The following PRPF39 variants were observed in gnomAD, a reference collection of about 807,000 sequenced individuals.
The protein encoded by PRPF39 is pre-mRNA-processing factor 39.
Under a neutral mutation model 82.1 loss-of-function variants are expected in PRPF39, and 27 were observed. The ratio of observed to expected loss-of-function variants is 0.33; its 90% CI spans 0.24 to 0.45. PRPF39 has a LOEUF of 0.45. Ranked by LOEUF, PRPF39 falls within the 20% of genes least tolerant of loss-of-function variation. The probability of loss-of-function intolerance (pLI) is 1.00; values close to 1 mark genes in which losing one functional copy is unlikely to be tolerated. For synonymous variants in PRPF39, 261 were observed against 256.4 expected, an observed-to-expected ratio of 1.02 and a Z score of -0.17; for missense variants, 581 against 796.9, an observed-to-expected ratio of 0.73 and a Z score of 3.26.
rs1304142885 is a variant in PRPF39, at chr14:45,110,218, A to G, written c.1301A>G (p.Gln434Arg). The change falls in exon 9 of 14, where the codon CAG (glutamine) becomes CGG (arginine). Residue 434 changes from glutamine (Q) to arginine (R), a missense_variant and splice_region_variant. By Grantham distance (43) the Gln-to-Arg change is conservative. Coordinates refer to ENST00000355765, the MANE Select transcript of PRPF39 (RefSeq NM_017922.4). This position sits in a 1 kb window ranked among gnomAD's most constrained non-coding sequence, Gnocchi z 4.0. ...HMLWAAFEEQ[Q>R]GNINEARNIL... The stretch of plus-strand genomic sequence containing the variant: ...CTTTGGGCAGCTTTTGAGGAACAGC[A>G]GGGTAAGAGTGGAGAAATTCAGTTG... The G allele has an allele frequency of 1.2e-6, 2 of 1,610,556 alleles. No homozygotes were observed. Among genetic ancestry groups the G allele is most frequent in the Admixed American group, 1.7e-5 (1 of 59,006 alleles).
chr14:45,101,268 G>A (rs747685668), intron 4 of PRPF39, among the ~76,000 whole-genome samples: 2 of 151,992 alleles, frequency 1.3e-5, no homozygotes, highest in Non-Finnish European at 2.9e-5. Flanking sequence ...TATTGAAATT[G>A]TGTTAAAATT....
At chr14:45,097,564 C>T (rs981022715) in intron 4 of PRPF39, among the ~76,000 whole-genome samples, 4 of 152,194 alleles carry the variant, frequency 2.6e-5, no homozygotes, top group Non-Finnish European at 5.9e-5. Flanking sequence ...AAAATGGTAT[C>T]GATTCTAAAC....
At chr14:45,105,038 T>A (rs1327412728) in intron 5 of PRPF39, among the ~76,000 whole-genome samples, 1 of 152,240 alleles carries the variant, frequency 6.6e-6, no homozygotes, top group African/African-American at 2.4e-5. Context: ...TTTGAATTTA[T>A]GTCTCTTATA....
intron 4 of PRPF39, among the ~76,000 whole-genome samples, chr14:45,099,928 C>T (rs1181177399): frequency 6.6e-6 from 1 of 152,150 alleles, no homozygotes; most frequent in Non-Finnish European, 1.5e-5. Context: ...ATTTTCATCT[C>T]TGAGATATGT....
chr14:45,090,818 T>C (rs899911962), intron 1 of PRPF39, among the ~76,000 whole-genome samples: 12 of 152,186 alleles, frequency 7.9e-5, no homozygotes, highest in Admixed American at 3.9e-4. Context: ...CTTACACTTA[T>C]ATGTCACTAC....
At chr14:45,103,560 A>G (rs1884440396) in intron 5 of PRPF39, among the ~76,000 whole-genome samples, 1 of 152,046 alleles carries the variant, frequency 6.6e-6, no homozygotes, top group African/African-American at 2.4e-5. Context: ...TTTATGAAGC[A>G]TTTGTAAAGT....
chr14:45,098,279 C>CA (rs1358339714), intron 4 of PRPF39, among the ~76,000 whole-genome samples: 12 of 151,652 alleles, frequency 7.9e-5, no homozygotes, highest in Admixed American at 7.9e-4. Context: ...GACCTTGTCT[C>CA]AAAAACAAAA....
chr14:45,090,689 GTTTCA>G (rs1826542188), intron 1 of PRPF39, among the ~76,000 whole-genome samples: 1 of 151,686 alleles, frequency 6.6e-6, no homozygotes, highest in Admixed American at 6.6e-5. Context: ...CTTTCACTTT[GTTTCA>G]TTTGAGAGCT....
intron 10 of PRPF39, among the ~76,000 whole-genome samples, chr14:45,111,241 A>C (rs1452587654): frequency 2.0e-5 from 3 of 152,234 alleles, no homozygotes; most frequent in African/African-American, 7.2e-5. Flanking sequence ...TGAAAAAGGC[A>C]GTGTATAGGT....
Position 45,102,611 on chromosome 14 carries a change from G to T in PRPF39, c.652G>T (p.Glu218Ter), listed in dbSNP as rs755932341. 1 of 1,611,646 alleles carries T rather than the reference G, an allele frequency of 6.2e-7. No homozygotes were observed. The highest frequency in any genetic ancestry group is 8.5e-7 in the Non-Finnish European group (1 of 1,178,208). The change falls in exon 5 of 14, where the codon GAG becomes TAG. Residue 218 changes from glutamate to a stop codon, truncating the protein, a stop_gained. Transcript: ENST00000355765. LOFTEE classifies it high-confidence loss of function. ...LWEMYINWEN[E>*]QGNLREVTAI... ...GGAAATGTATATAAACTGGGAAAAT[G>T]AGCAGGGAAACCTGAGAGAAGTTAC...
At chr14:45,106,005 G>A (rs1208363395) in intron 5 of PRPF39, among the ~76,000 whole-genome samples, 5 of 152,080 alleles carry the variant, frequency 3.3e-5, no homozygotes, top group Non-Finnish European at 7.4e-5. Flanking sequence ...AAAGCTAGGT[G>A]GAAGAGATTG....
intron 1 of PRPF39, among the ~76,000 whole-genome samples, chr14:45,090,885 TC>T (rs1368663554): frequency 6.6e-6 from 1 of 152,090 alleles, no homozygotes; most frequent in African/African-American, 2.4e-5. Context: ...TTTGTCCCCT[TC>T]CCCCATCCCC....
chr14:45,086,858 T>G (rs1160992871), intron 1 of PRPF39, among the ~76,000 whole-genome samples: 3 of 150,546 alleles, frequency 2.0e-5, no homozygotes, highest in African/African-American at 4.9e-5. Flanking sequence ...TTTTTTTTTT[T>G]TTTTTTTTTT....
intron 2 of PRPF39, chr14:45,095,842 CT>C (rs57915726): frequency 2.3e-6 from 1 of 436,974 alleles, no homozygotes; most frequent in African/African-American, 2.2e-5. Context: ...TTAGTTCCTT[CT>C]GTTTCAATTG....
At chr14:45,086,184 G>A (rs768857983) in intron 1 of PRPF39, among the ~76,000 whole-genome samples, 13 of 152,068 alleles carry the variant, frequency 8.5e-5, no homozygotes, top group Non-Finnish European at 1.9e-4. Flanking sequence ...CAGGTGATCT[G>A]CCTGCCTCGG....
Position 45,094,986 on chromosome 14 carries a change from C to T in PRPF39, c.-19-235C>T, listed in dbSNP as rs1454402750. Among the ~76,000 whole-genome samples, 4 of 152,142 alleles carry T rather than the reference C, an allele frequency of 2.6e-5. 1 individual carries two copies. On this transcript the variant is annotated intron_variant, in intron 1 of 13. Coordinates refer to ENST00000355765, the MANE Select transcript of PRPF39 (RefSeq NM_017922.4). ...TTGTTTGAATGAGGTAACAAATCCA[C>T]AGTTATTTGGTTTTCATTCAAATAC...
At chr14:45,092,245 A>C (rs1344236953) in intron 1 of PRPF39, among the ~76,000 whole-genome samples, 7 of 152,180 alleles carry the variant, frequency 4.6e-5, no homozygotes, top group Non-Finnish European at 7.3e-5. Flanking sequence ...AATAGTGAGA[A>C]GGGATATTGG....
In PRPF39 at chr14:45,096,948, A is replaced by T; in HGVS notation, c.512A>T (p.Asn171Ile). ...GTTGACCTTTGGATACATTATATAA[A>T]CTTCTTAAAAGAAACATTGGACCCT... is the stretch of plus-strand genomic sequence containing the variant. ...LSVDLWIHYI[N>I]FLKETLDPGD... Residue 171 changes from asparagine to isoleucine, a missense_variant, in exon 4 of 14, where the codon AAC (asparagine) becomes ATC (isoleucine). Transcript: ENST00000355765. 3 of 1,553,160 alleles carry T rather than the reference A, an allele frequency of 1.9e-6. No individual in the cohort carries two copies. Among genetic ancestry groups the T allele is most frequent in the Non-Finnish European group, 2.6e-6 (3 of 1,148,070 alleles).
chr14:45,102,450 T>A, intron 4 of PRPF39, 79 bp from the exon 5 acceptor site: 1 of 1,259,418 alleles, frequency 7.9e-7, no homozygotes. Context: ...AAGTTAGCAT[T>A]ATCTTCTAAA....
Sources: allele counts gnomAD v4.1 joint callset (sites outside exome capture counted in the v4.1 genomes callset), GRCh38; gene constraint gnomAD v4.1.1; non-coding constraint Gnocchi (gnomAD v3.1); transcripts MANE v1.5; gene names NCBI Gene and HGNC (gene_info 2026-07-23, HGNC 2026-07-21).